GSE1: variants seen among roughly 807,000 people sequenced by gnomAD.
GSE1 encodes the protein genetic suppressor element 1.
GSE1 carries 32 observed loss-of-function variants against 112.6 expected under a neutral mutation model. The observed-to-expected ratio is 0.28, with a 90% CI of 0.21 to 0.38. The LOEUF (loss-of-function observed/expected upper bound fraction) is 0.38, where lower values mean the gene tolerates loss of function less well. GSE1 is among the 10% of genes least tolerant of loss of function. GSE1 has a pLI of 1.00. For synonymous variants in GSE1, 1,115 were observed against 735.6 expected, an observed-to-expected ratio of 1.52 and a Z score of -8.35; for missense variants, 2,348 against 1,699.2, an observed-to-expected ratio of 1.38 and a Z score of -6.71.
Position 85,670,362 on chromosome 16 carries a change from G to A in GSE1, c.3416-633G>A, listed in dbSNP as rs371169191. Among the ~76,000 whole-genome samples the A allele has an allele frequency of 3.3e-5, 5 of 152,088 alleles. No individual in the cohort carries two copies. In the East Asian group the frequency reaches 5.8e-4, roughly 18 times the overall value. ...TTAAAGAGTGAAGGTTCCCATTTCC[G>A]GAGTTTTTCATCCTTTGATTTTTTT... On this transcript the variant is annotated intron_variant, in intron 14 of 15. Transcript: ENST00000253458.
intron 2 of GSE1, among the ~76,000 whole-genome samples, chr16:85,447,657 C>G (rs916629091): frequency 2.0e-5 from 3 of 152,212 alleles, no homozygotes; most frequent in African/African-American, 7.2e-5. Context: ...CCAGATGAGG[C>G]CACGGAGGCT....
intron 1 of GSE1, among the ~76,000 whole-genome samples, chr16:85,237,840 G>T (rs11149729): frequency 1.5e-5 from 2 of 130,782 alleles, no homozygotes; most frequent in Admixed American, 7.4e-5. Context: ...TCTGTCCCCC[G>T]CAAAAAAAAA....
intron 1 of GSE1, among the ~76,000 whole-genome samples, chr16:85,276,123 C>T (rs1909335534): frequency 6.6e-6 from 1 of 152,242 alleles, no homozygotes; most frequent in South Asian, 2.1e-4. Context: ...AACTGAAGCC[C>T]AGAGAGGTTG....
At chr16:85,384,358 C>T (rs2047637873) in intron 2 of GSE1, among the ~76,000 whole-genome samples, 1 of 152,220 alleles carries the variant, frequency 6.6e-6, no homozygotes, top group Non-Finnish European at 1.5e-5. Flanking sequence ...GGGCCAAGGG[C>T]TCCACTTCCT....
intron 1 of GSE1, among the ~76,000 whole-genome samples, chr16:85,565,194 A>C (rs2045688612): frequency 6.6e-6 from 1 of 152,100 alleles, no homozygotes; most frequent in South Asian, 2.1e-4. Flanking sequence ...GTTCAAGACC[A>C]GCCTGACCAA....
chr16:85,424,280 T>C (rs1487043682), intron 2 of GSE1, among the ~76,000 whole-genome samples: 2 of 152,244 alleles, frequency 1.3e-5, no homozygotes, highest in African/African-American at 4.8e-5. Context: ...TACAGACATC[T>C]TACCCAGAAG....
At chr16:85,324,232 G>A (rs562323999) in intron 1 of GSE1, among the ~76,000 whole-genome samples, 28 of 152,270 alleles carry the variant, frequency 1.8e-4, no homozygotes, top group Admixed American at 1.5e-3. Context: ...ATCGGTGGCC[G>A]GGCACAGTGG....
chr16:85,672,340 T>TA (rs1489030735), intron 15 of GSE1, 65 bp from the exon 16 acceptor site: 2 of 1,234,028 alleles, frequency 1.6e-6, no homozygotes, highest in Non-Finnish European at 2.4e-6. Context: ...AGCATGTTTG[T>TA]ACTCTACATG....
At chr16:85,362,831 CTTT>C (rs67922655) in intron 2 of GSE1, among the ~76,000 whole-genome samples, 33 of 103,484 alleles carry the variant, frequency 3.2e-4, no homozygotes, top group African/African-American at 1.1e-3. Flanking sequence ...TTATTGATAT[CTTT>C]TTTTTTTTTT....
intron 1 of GSE1, among the ~76,000 whole-genome samples, chr16:85,187,469 T>A (rs1351518539): frequency 1.3e-5 from 2 of 152,258 alleles, no homozygotes; most frequent in Non-Finnish European, 2.9e-5. Flanking sequence ...TCTCAAGTTT[T>A]TCCCGTGACG....
At chr16:85,491,798 G>T (rs1291868370) in intron 2 of GSE1, among the ~76,000 whole-genome samples, 1 of 152,202 alleles carries the variant, frequency 6.6e-6, no homozygotes, top group East Asian at 1.9e-4. Flanking sequence ...GTGACACTGG[G>T]CCTGGCTGGA....
chr16:85,338,978 C>T (rs564666046), intron 1 of GSE1, among the ~76,000 whole-genome samples: 12 of 152,144 alleles, frequency 7.9e-5, no homozygotes, highest in East Asian at 3.9e-4. Flanking sequence ...TGAGCGTCGT[C>T]GGTTTCGGTG....
chr16:85,388,762 G>A (rs2047765659), intron 2 of GSE1, among the ~76,000 whole-genome samples: 1 of 152,144 alleles, frequency 6.6e-6, no homozygotes, highest in Admixed American at 6.5e-5. Context: ...ATGGAAAAAG[G>A]GCAGGCAACA....
intron 2 of GSE1, among the ~76,000 whole-genome samples, chr16:85,389,372 A>T (rs2047779596): frequency 6.6e-6 from 1 of 151,356 alleles, no homozygotes; most frequent in South Asian, 2.1e-4. Context: ...AAGCAGGAGA[A>T]TCACTTGAAC....
chr16:85,615,114 G>T (rs980467363), intron 1 of GSE1, among the ~76,000 whole-genome samples: 6 of 152,206 alleles, frequency 3.9e-5, no homozygotes, highest in Non-Finnish European at 5.9e-5. Context: ...TAAGCTTGGG[G>T]CACTTCAGTG....
At chr16:85,378,163 G>C (rs1335391491) in intron 2 of GSE1, among the ~76,000 whole-genome samples, 1 of 152,204 alleles carries the variant, frequency 6.6e-6, no homozygotes, top group African/African-American at 2.4e-5. Flanking sequence ...GGGCAGGGCT[G>C]AGGAGGGCAG....
intron 5 of GSE1, 105 bp from the exon 6 acceptor site, chr16:85,655,621 C>T (rs2051851479): frequency 8.7e-6 from 6 of 689,154 alleles, no homozygotes; most frequent in Non-Finnish European, 1.2e-5. Context: ...GTCACGTTCC[C>T]CACGCTCAGG....
At chr16:85,488,138 C>T (rs549535096) in intron 2 of GSE1, among the ~76,000 whole-genome samples, 1 of 152,284 alleles carries the variant, frequency 6.6e-6, no homozygotes, top group African/African-American at 2.4e-5. Context: ...CGGAGGAAAA[C>T]CCGAGTGATG....
At chr16:85,383,497 GCACA>G (rs11473067) in intron 2 of GSE1, among the ~76,000 whole-genome samples, 12 of 147,930 alleles carry the variant, frequency 8.1e-5, no homozygotes, top group Admixed American at 3.4e-4. Flanking sequence ...AGAGCTCCCA[GCACA>G]CACACACACA....
Sources: allele counts gnomAD v4.1 joint callset (sites outside exome capture counted in the v4.1 genomes callset), GRCh38; gene constraint gnomAD v4.1.1; transcripts MANE v1.5; gene names NCBI Gene and HGNC (gene_info 2026-07-23, HGNC 2026-07-21).